DPH6: variants seen among roughly 807,000 people sequenced by gnomAD.
The protein encoded by DPH6 is diphthamine biosynthesis 6, also known as diphthine--ammonia ligase.
In DPH6, 33 loss-of-function variants were observed where a neutral mutation model predicts 38.2. The ratio of observed to expected loss-of-function variants is 0.86; its 90% CI spans 0.65 to 1.15. DPH6 has a LOEUF of 1.15. DPH6 is among the 50% of genes most tolerant of loss of function. DPH6 has a pLI of 0.00. For missense variants in DPH6, 325 were observed against 320.0 expected (o/e 1.02, Z -0.12); for synonymous variants, 108 against 103.0 (o/e 1.05, Z -0.30).
At chr15:35,252,407 G>C (rs966006841) in intron 3 of DPH6, among the ~76,000 whole-genome samples, 1 of 152,232 alleles carries the variant, frequency 6.6e-6, no homozygotes, top group Non-Finnish European at 1.5e-5. Context: ...GGGTTGAGCA[G>C]AGCTAAACAA....
At chr15:35,262,376 A>G (rs1351844771) in intron 3 of DPH6, among the ~76,000 whole-genome samples, 2 of 152,192 alleles carry the variant, frequency 1.3e-5, no homozygotes, top group African/African-American at 4.8e-5. Context: ...AATTTGCCAT[A>G]AGTCTTTAAA....
At chr15:35,446,218 T>TG (rs1555402468) in intron 5 of DPH6, among the ~76,000 whole-genome samples, 1 of 142,360 alleles carries the variant, frequency 7.0e-6, no homozygotes, top group Non-Finnish European at 1.5e-5. Context: ...TTTTCCCTTT[T>TG]TTTTTTTTTC....
intron 3 of DPH6, among the ~76,000 whole-genome samples, chr15:35,318,400 C>T (rs993261567): frequency 6.6e-6 from 1 of 151,994 alleles, no homozygotes; most frequent in Admixed American, 6.6e-5. Flanking sequence ...CTCTCAGTTA[C>T]TGATAAAGAA....
At chr15:35,300,155 T>C (rs1211928405) in intron 3 of DPH6, among the ~76,000 whole-genome samples, 1 of 152,064 alleles carries the variant, frequency 6.6e-6, no homozygotes, top group East Asian at 1.9e-4. Context: ...GCATGCTGAA[T>C]GAACAAAAAT....
chr15:35,218,545 A>C (rs540664648), exon 4 of DPH6: 1 of 152,232 alleles, frequency 6.6e-6, no homozygotes, highest in Non-Finnish European at 1.5e-5. Flanking sequence ...ATTAATACTC[A>C]GGGCAATAAA....
intron 5 of DPH6, among the ~76,000 whole-genome samples, chr15:35,437,143 G>A (rs2053727125): frequency 6.6e-6 from 1 of 151,936 alleles, no homozygotes; most frequent in Admixed American, 6.6e-5. Context: ...AAAGAAAGAG[G>A]GATGCCTCAC....
At position 35,546,113 on chromosome 15, in the gene DPH6, C is replaced by T. The variant is rs1330651260; in HGVS notation, c.23+6G>A. ...GAGGAAGGAGGCGGCTCCAGGACCG[C>T]ATTACCTGATCAGAGCCGCGACCCT... On this transcript the variant is annotated splice_donor_region_variant and intron_variant, in intron 1 of 8. Transcript: ENST00000256538. 5 of 1,407,668 alleles carry T rather than the reference C, an allele frequency of 3.6e-6. No individual in the cohort carries two copies. The highest frequency in any genetic ancestry group is 4.7e-6 in the Non-Finnish European group (5 of 1,066,998). The allele number at this position is 1,407,668 out of a possible 1,614,324, so 87.2% of individuals were successfully genotyped here.
chr15:35,348,395 T>C (rs1328693928), intron 3 of DPH6, among the ~76,000 whole-genome samples: 1 of 152,212 alleles, frequency 6.6e-6, no homozygotes, highest in Non-Finnish European at 1.5e-5. Context: ...ACATCTTTTG[T>C]TGAAGAGACT....
At chr15:35,197,566 G>A in the DPH6 span, among the ~76,000 whole-genome samples, 26 of 152,296 alleles carry the variant, frequency 1.7e-4, 1 homozygote, top group African/African-American at 5.8e-4. Context: ...GCTTCAAAGG[G>A]TGGCAATGAA....
chr15:35,514,316 A>G (rs2141222536), intron 3 of DPH6, among the ~76,000 whole-genome samples: 1 of 152,254 alleles, frequency 6.6e-6, no homozygotes, highest in African/African-American at 2.4e-5. Flanking sequence ...ATTTAAAGCT[A>G]AAGACAAAAT....
rs2051938772 is a variant in DPH6, at chr15:35,285,872, G to GTTTTTTTTTTTTGTTTTTTTT, written n.201-65291_201-65290insAAAAAAAACAAAAAAAAAAAA. 3.8e-5 allele frequency among the ~76,000 whole-genome samples: 2 copies of GTTTTTTTTTTTTGTTTTTTTT among 52,794 alleles called. 1 individual carries two copies. Among genetic ancestry groups the GTTTTTTTTTTTTGTTTTTTTT allele is most frequent in the Non-Finnish European group, 6.5e-5 (2 of 30,542 alleles). The allele number at this position is 52,794 out of a possible 152,430, so 34.6% of individuals were successfully genotyped here. On this transcript the variant is annotated intron_variant and non_coding_transcript_variant, in intron 3 of 3. Transcript: ENST00000560386. ...GACTCAATTATCATTTTATCTTTGA[G>GTTTTTTTTTTTTGTTTTTTTT]TTTTTTTTTTTTTTTTTACCTGAGA... is the stretch of plus-strand genomic sequence containing the variant.
At chr15:35,462,126 C>T (rs1188632174) in intron 3 of DPH6, among the ~76,000 whole-genome samples, 1 of 152,094 alleles carries the variant, frequency 6.6e-6, no homozygotes, top group African/African-American at 2.4e-5. Flanking sequence ...CTTCACCTTC[C>T]AAAAATATCC....
intron 3 of DPH6, among the ~76,000 whole-genome samples, chr15:35,292,140 G>C (rs1309617687): frequency 3.3e-5 from 5 of 152,012 alleles, no homozygotes; most frequent in African/African-American, 1.2e-4. Flanking sequence ...ATCTCAAAAA[G>C]CATTCTCATA....
Position 35,542,464 on chromosome 15 carries a change from C to A in DPH6, c.67G>T (p.Ala23Ser). ...SCYNMMQCIA[A>S]GHQIVALANL... ...GCTAAAGCAACGATCTGATGCCCAG[C>A]AGCAATGCACTGCATCATATTATAG... is the stretch of plus-strand genomic sequence containing the variant. The change falls in exon 2 of 9, where the codon GCT becomes TCT. Residue 23 changes from alanine (A) to serine (S), a missense_variant. Transcript: ENST00000256538. 6 of 1,580,680 alleles carry A rather than the reference C, an allele frequency of 3.8e-6. No individual in the cohort carries two copies. In the South Asian group the frequency reaches 4.5e-5, roughly 12 times the overall value.
intron 3 of DPH6, among the ~76,000 whole-genome samples, chr15:35,468,506 T>C (rs1807670753): frequency 6.6e-6 from 1 of 152,122 alleles, no homozygotes; most frequent in Admixed American, 6.5e-5. Flanking sequence ...AGATACCCCA[T>C]TATCTCTCTA....
intron 3 of DPH6, among the ~76,000 whole-genome samples, chr15:35,271,095 C>A (rs1369700210): frequency 1.3e-5 from 2 of 152,144 alleles, no homozygotes; most frequent in African/African-American, 4.8e-5. Context: ...CCACTGACAG[C>A]CAAACATAAG....
At chr15:35,198,926 T>G in the DPH6 span, among the ~76,000 whole-genome samples, 3 of 152,114 alleles carry the variant, frequency 2.0e-5, no homozygotes, top group Non-Finnish European at 4.4e-5. Context: ...TCTTCTTTTT[T>G]TTTTTAGAGA....
Position 35,456,005 on chromosome 15 carries a change from G to A in DPH6, c.313-1185C>T, listed in dbSNP as rs189506128. Reference sequence around the variant, plus strand: ...AAAAGGAATTTTTTATGTCTTTAAAGTCGATTTAAAATTTGCCCTCCAAAA... The same window carrying A: ...AAAAGGAATTTTTTATGTCTTTAAAATCGATTTAAAATTTGCCCTCCAAAA... On this transcript the variant is annotated intron_variant, in intron 3 of 8. Coordinates refer to ENST00000256538, the MANE Select transcript of DPH6 (RefSeq NM_080650.4). 9.1e-4 allele frequency among the ~76,000 whole-genome samples: 138 copies of A among 152,228 alleles called. 1 individual carries two copies. The highest frequency in any genetic ancestry group is 8.5e-3 in the Admixed American group (130 of 15,302).
the DPH6 span, among the ~76,000 whole-genome samples, chr15:35,196,531 G>A: frequency 6.6e-6 from 1 of 152,138 alleles, no homozygotes; most frequent in African/African-American, 2.4e-5. Flanking sequence ...TTGAGCGTAA[G>A]GTACGAGTGC....
Sources: gnomAD v4.1 joint callset for allele counts (sites outside exome capture counted in the v4.1 genomes callset) on GRCh38, gnomAD v4.1.1 for gene constraint, MANE v1.5 for transcripts, NCBI Gene and HGNC (gene_info 2026-07-23, HGNC 2026-07-21) for gene names.